PDILT: variants seen among roughly 807,000 people sequenced by gnomAD.
The protein encoded by PDILT is protein disulfide-isomerase-like protein of the testis.
Under a neutral mutation model 53.7 loss-of-function variants are expected in PDILT, and 43 were observed. The ratio of observed to expected loss-of-function variants is 0.80; its 90% CI spans 0.63 to 1.03. The LOEUF (loss-of-function observed/expected upper bound fraction) is 1.03, where lower values mean the gene tolerates loss of function less well. Among genes scored for constraint, PDILT ranks in the 50% least tolerant of loss-of-function variants. The probability of loss-of-function intolerance (pLI) is 0.00; values close to 1 mark genes in which losing one functional copy is unlikely to be tolerated. For synonymous variants in PDILT, 282 were observed against 274.2 expected, an observed-to-expected ratio of 1.03 and a Z score of -0.28; for missense variants, 727 against 712.3, an observed-to-expected ratio of 1.02 and a Z score of -0.24.
chr16:20,362,542 C>A lies in PDILT; in HGVS notation c.1278G>T (p.Leu426=), dbSNP rs779690891. The change falls in exon 10 of 12, where the codon CTG becomes CTT. Residue 426 remains leucine (L), a synonymous_variant. Transcript: ENST00000302451. ...GATATTTTCTGCCCAATTCCTCCAA[C>A]AGTGGGAACAGCATCTTGCACTTTT... is the stretch of plus-strand genomic sequence containing the variant. The part of the protein sequence containing the change: ...WSKKCKMLFP[L]LEELGRKYQN... 1 of 1,614,110 alleles carries A rather than the reference C, an allele frequency of 6.2e-7. No individual in the cohort carries two copies. The highest frequency in any genetic ancestry group is 1.1e-5 in the South Asian group (1 of 91,064).
intron 1 of PDILT, among the ~76,000 whole-genome samples, chr16:20,403,625 A>G (rs1299918761): frequency 6.7e-6 from 1 of 150,176 alleles, no homozygotes; most frequent in Non-Finnish European, 1.5e-5. Flanking sequence ...CCATCACACC[A>G]CTGTGCCTAT....
In PDILT at chr16:20,362,492, G is replaced by A; in HGVS notation, c.1328C>T (p.Ala443Val). Residue 443 changes from alanine (A) to valine (V), a missense_variant, in exon 10 of 12, where the codon GCC becomes GTC. Physicochemically the swap from Ala to Val is moderately conservative, Grantham distance 64. Transcript: ENST00000302451. ...KYQNHSTIIIAKIDVTANDIQ... is the reference protein window; with the variant it reads ...KYQNHSTIIIVKIDVTANDIQ... ...GTCATTTGCTGTGACATCGATCTTG[G>A]CAATGATAATTGTGGAGTGGTTTTG... 1 of 1,614,178 alleles carries A rather than the reference G, an allele frequency of 6.2e-7. No individual in the cohort carries two copies. Among genetic ancestry groups the A allele is most frequent in the Non-Finnish European group, 8.5e-7 (1 of 1,180,022 alleles).
At chr16:20,401,820 G>A (rs534551568) in intron 1 of PDILT, among the ~76,000 whole-genome samples, 1 of 152,224 alleles carries the variant, frequency 6.6e-6, no homozygotes, top group Non-Finnish European at 1.5e-5. Context: ...TCATGTCCTC[G>A]TCTCCCAGGC....
intron 3 of PDILT, among the ~76,000 whole-genome samples, chr16:20,381,277 G>A (rs1340539659): frequency 2.0e-5 from 3 of 152,170 alleles, no homozygotes; most frequent in Non-Finnish European, 2.9e-5. Context: ...GTAAAGCACT[G>A]TCTCCTCTCA....
chr16:20,400,828 AAAC>A (rs1351708455), intron 1 of PDILT, among the ~76,000 whole-genome samples: 1 of 152,184 alleles, frequency 6.6e-6, no homozygotes, highest in Non-Finnish European at 1.5e-5. Flanking sequence ...GGATTTTTCA[AAAC>A]AACACAATAA....
At position 20,372,828 on chromosome 16, in the gene PDILT, G is replaced by A. The variant is rs1966325902; in HGVS notation, c.892C>T (p.Leu298=). ...TTGTTTTGGAATTCCTTTGATGCCA[G>A]CTTATAATGCTGAATTATGATACCA... is the stretch of plus-strand genomic sequence containing the variant. ...SYGIIIQHYK[L]ASKEFQNKIL... The change falls in exon 7 of 12, where the codon CTG becomes TTG. Residue 298 remains leucine, a synonymous_variant. Coordinates refer to ENST00000302451, the MANE Select transcript of PDILT (RefSeq NM_174924.2). 1.2e-6 allele frequency: 2 copies of A among 1,613,940 alleles called. No individual in the cohort carries two copies. The highest frequency in any genetic ancestry group is 2.2e-5 in the East Asian group (1 of 44,898).
At chr16:20,372,135 A>G (rs1191302975) in intron 7 of PDILT, among the ~76,000 whole-genome samples, 1 of 152,212 alleles carries the variant, frequency 6.6e-6, no homozygotes, top group East Asian at 1.9e-4. Flanking sequence ...AACAGCGCTT[A>G]GGGGAAACCT....
rs1314799319 is a variant in PDILT, at chr16:20,374,935, A to G, written c.568T>C (p.Leu190=). Residue 190 remains leucine, a synonymous_variant, in exon 5 of 12, where the codon TTG becomes CTG. Coordinates refer to ENST00000302451, the MANE Select transcript of PDILT (RefSeq NM_174924.2). ...FQDLEEEVAE[L]FYDVIKDFPE... is the part of the protein sequence containing the mutation. ...AAGTCTTTGATCACATCATAGAACAACTCTGCTACTTCTTCCTCTAAATCC... is the reference window on the plus strand; with the variant it reads ...AAGTCTTTGATCACATCATAGAACAGCTCTGCTACTTCTTCCTCTAAATCC... The G allele has an allele frequency of 3.1e-6, 5 of 1,611,544 alleles. No homozygotes were observed. The highest frequency in any genetic ancestry group is 4.2e-6 in the Non-Finnish European group (5 of 1,178,738).
At chr16:20,369,365 T>G in intron 8 of PDILT, 127 bp downstream of exon 8, 1 of 1,096,490 alleles carries the variant, frequency 9.1e-7, no homozygotes, top group African/African-American at 1.6e-5. Context: ...TTTCCCCACA[T>G]TGAGCCACAA....
chr16:20,369,521 C>G lies in PDILT; in HGVS notation c.1087G>C (p.Gly363Arg). The G allele has an allele frequency of 1.2e-6, 2 of 1,614,122 alleles. No individual in the cohort carries two copies. The highest frequency in any genetic ancestry group is 1.7e-6 in the Non-Finnish European group (2 of 1,179,992). The change falls in exon 8 of 12, where the codon GGC (glycine) becomes CGC (arginine). Residue 363 changes from glycine (G) to arginine (R), a missense_variant. Physicochemically the swap from Gly to Arg is moderately radical, Grantham distance 125. Transcript: ENST00000302451. The part of the protein sequence containing the change: ...DITYESLKKF[G>R]RSFLSKNATK... ...GCATTTTTACTCAGGAAGCTGCGGC[C>G]AAATTTCTTGAGGCTTTCGTAGGTT...
chr16:20,366,734 G>A (rs1014203113), intron 8 of PDILT, among the ~76,000 whole-genome samples: 41 of 152,226 alleles, frequency 2.7e-4, no homozygotes, highest in African/African-American at 9.9e-4. Flanking sequence ...AATGTCTCCT[G>A]AATCCACATC....
intron 9 of PDILT, among the ~76,000 whole-genome samples, chr16:20,363,777 T>G (rs527371814): frequency 4.6e-5 from 7 of 152,192 alleles, no homozygotes; most frequent in Non-Finnish European, 1.0e-4. Flanking sequence ...CCCCAAGAAG[T>G]GTGACAGGTA....
At chr16:20,383,243 G>A (rs1262281439) in intron 3 of PDILT, among the ~76,000 whole-genome samples, 1 of 152,160 alleles carries the variant, frequency 6.6e-6, no homozygotes, top group Non-Finnish European at 1.5e-5. Context: ...AGGAGGGAAG[G>A]TCATTGCAGC....
intron 9 of PDILT, among the ~76,000 whole-genome samples, chr16:20,364,805 A>T (rs1966166533): frequency 6.6e-6 from 1 of 152,234 alleles, no homozygotes; most frequent in East Asian, 1.9e-4. Flanking sequence ...AGTGCTTACA[A>T]TATGCCAGAC....
At chr16:20,400,563 C>T (rs1966727141) in intron 1 of PDILT, among the ~76,000 whole-genome samples, 1 of 151,884 alleles carries the variant, frequency 6.6e-6, no homozygotes, top group Non-Finnish European at 1.5e-5. Flanking sequence ...GTCTGGATAC[C>T]TACATGTTTC....
intron 2 of PDILT, among the ~76,000 whole-genome samples, chr16:20,394,836 T>C (rs549825171): frequency 5.3e-5 from 8 of 152,200 alleles, no homozygotes; most frequent in Non-Finnish European, 1.2e-4. Context: ...GCTGAGGTCC[T>C]AGGTAGAAGG....
At chr16:20,367,611 G>A (rs138631602) in intron 8 of PDILT, among the ~76,000 whole-genome samples, 1 of 152,340 alleles carries the variant, frequency 6.6e-6, no homozygotes, top group Non-Finnish European at 1.5e-5. Flanking sequence ...GCAAGGAAGA[G>A]AGAGAGGATA....
chr16:20,402,460 G>A (rs927446192), intron 1 of PDILT, among the ~76,000 whole-genome samples: 4 of 152,036 alleles, frequency 2.6e-5, no homozygotes, highest in African/African-American at 7.2e-5. Flanking sequence ...CATCATGCCC[G>A]GCTAATTTTT....
At chr16:20,397,167 G>A (rs1006134854) in intron 2 of PDILT, among the ~76,000 whole-genome samples, 6 of 151,992 alleles carry the variant, frequency 3.9e-5, no homozygotes, top group African/African-American at 9.7e-5. Context: ...ACAGGTTCTC[G>A]CTCTGTCAGC....
Sources: allele counts gnomAD v4.1 joint callset (sites outside exome capture counted in the v4.1 genomes callset), GRCh38; gene constraint gnomAD v4.1.1; transcripts MANE v1.5; gene names NCBI Gene and HGNC (gene_info 2026-07-23, HGNC 2026-07-21).